Variants in ARHGEF33 observed in about 807,000 individuals in gnomAD.
ARHGEF33 encodes the protein Rho guanine nucleotide exchange factor 33, also known as DH and coiled-coil domain-containing protein ENSP00000381780.
A neutral mutation model predicts 101.9 loss-of-function variants in ARHGEF33; 72 were observed. The ratio of observed to expected loss-of-function variants is 0.71; its 90% CI spans 0.58 to 0.86. ARHGEF33 has a LOEUF of 0.86. Ranked by LOEUF, ARHGEF33 falls within the 40% of genes least tolerant of loss-of-function variation. ARHGEF33 has a pLI of 0.00. For missense variants in ARHGEF33, 1,169 were observed against 1,111.3 expected (o/e 1.05, Z -0.74); for synonymous variants, 499 against 442.5 (o/e 1.13, Z -1.60).
At position 38,943,969 on chromosome 2, in the gene ARHGEF33, A is replaced by C. The variant is rs553719330; in HGVS notation, c.859A>C (p.Ile287Leu). ...AAAATATGTCATTAACATCTCTCTG[A>C]TCTTGAAGATAAAAGCCACATTCCA... ...ERKYVINISL[I>L]LKIKATFQGS... Residue 287 changes from isoleucine to leucine, a missense_variant, in exon 10 of 18, where the codon ATC (isoleucine) becomes CTC (leucine). Ile to Leu is a conservative substitution (Grantham distance 5). Transcript: ENST00000409978. The C allele has an allele frequency of 3.2e-6, 5 of 1,551,724 alleles. No individual in the cohort carries two copies. The South Asian group carries it at 4.8e-5, about 15-fold the overall frequency.
chr2:38,929,909 A>C, intron 6 of ARHGEF33, 79 bp downstream of exon 6: 1 of 1,296,884 alleles, frequency 7.7e-7, no homozygotes, highest in Non-Finnish European at 1.1e-6. Flanking sequence ...CACATTCCCC[A>C]CTATCAGTGT....
chr2:38,967,637 G>T (rs539561275), intron 17 of ARHGEF33, among the ~76,000 whole-genome samples: 4 of 152,012 alleles, frequency 2.6e-5, no homozygotes, highest in Non-Finnish European at 5.9e-5. Context: ...GTGCAATGGC[G>T]CAATCTCGGT....
Position 38,960,029 on chromosome 2 carries a change from T to C in ARHGEF33, c.1724T>C (p.Ile575Thr). ...GCGCTGGCCGGGCCCCTGCAGGCCA[T>C]CCCGGAGATGGACTTCGAGTCCTCT... Reference protein sequence around the residue: ...VKALAGPLQAIPEMDFESSPA... With the variant: ...VKALAGPLQATPEMDFESSPA... Residue 575 changes from isoleucine (I) to threonine (T), a missense_variant, in exon 16 of 18, where the codon ATC becomes ACC. Ile to Thr is a moderately conservative substitution (Grantham distance 89). Transcript: ENST00000409978. 1 of 1,546,188 alleles carries C rather than the reference T, an allele frequency of 6.5e-7. No individual in the cohort carries two copies. Among genetic ancestry groups the C allele is most frequent in the Non-Finnish European group, 8.7e-7 (1 of 1,144,054 alleles).
chr2:38,971,853 T>G, intron 17 of ARHGEF33: 1 of 718,566 alleles, frequency 1.4e-6, no homozygotes, highest in South Asian at 1.5e-5. Flanking sequence ...ACAGGGCGAT[T>G]TTGGCATTTG....
At chr2:38,923,641 A>G (rs1666808133) in intron 4 of ARHGEF33, among the ~76,000 whole-genome samples, 2 of 152,180 alleles carry the variant, frequency 1.3e-5, no homozygotes, top group African/African-American at 4.8e-5. Flanking sequence ...TTCAATAAAT[A>G]TGAGTTGAAT....
chr2:38,910,735 C>G (rs1465424301), intron 2 of ARHGEF33, among the ~76,000 whole-genome samples: 1 of 152,174 alleles, frequency 6.6e-6, no homozygotes, highest in Non-Finnish European at 1.5e-5. Context: ...TCTCATCAGA[C>G]CTGCCAAAAC....
chr2:38,915,382 C>CT (rs35975491), intron 2 of ARHGEF33, among the ~76,000 whole-genome samples: 3,883 of 112,354 alleles, frequency 0.035, 98 homozygotes, highest in East Asian at 0.097. Context: ...TTTTTATTGA[C>CT]TTTTTTTTTT....
chr2:38,935,532 C>T (rs1234338596), intron 7 of ARHGEF33, among the ~76,000 whole-genome samples: 1 of 152,186 alleles, frequency 6.6e-6, no homozygotes, highest in Admixed American at 6.5e-5. Flanking sequence ...GAACTTCAAG[C>T]AGTTTACAAA....
intron 1 of ARHGEF33, among the ~76,000 whole-genome samples, chr2:38,892,836 A>G (rs907164272): frequency 5.9e-5 from 9 of 152,092 alleles, no homozygotes; most frequent in Non-Finnish European, 1.3e-4. Context: ...CCTTTCTAAG[A>G]GTCACTTCCC....
intron 17 of ARHGEF33, 106 bp downstream of exon 17, chr2:38,966,251 C>T: frequency 7.2e-7 from 1 of 1,392,700 alleles, no homozygotes; most frequent in Non-Finnish European, 9.6e-7. Flanking sequence ...CACACAACTG[C>T]TTCAAGTACA....
At chr2:38,961,428 A>G (rs996313565) in intron 16 of ARHGEF33, among the ~76,000 whole-genome samples, 2 of 152,180 alleles carry the variant, frequency 1.3e-5, no homozygotes, top group East Asian at 1.9e-4. Context: ...CCTGGAGGGC[A>G]TTTAAAGAGG....
chr2:38,973,057 T>G (rs3751), intron 17 of ARHGEF33: 7,371 of 152,318 alleles, frequency 0.048, 221 homozygotes, highest in Middle Eastern at 0.088. Context: ...CTGGAATGGA[T>G]TACCCAAGTG....
At position 38,937,395 on chromosome 2, in the gene ARHGEF33, T is replaced by C. The variant is rs1344218944; in HGVS notation, c.626T>C (p.Ile209Thr). The stretch of plus-strand genomic sequence containing the variant: ...CTCAAGTCTTGCCTCTCGGCTGATA[T>C]CCAGTCCAAGGGCCATCTCCCATCT... The part of the protein sequence containing the change: ...ENLKSCLSAD[I>T]QSKGHLPSGM... The change falls in exon 9 of 18, where the codon ATC becomes ACC. Residue 209 changes from isoleucine to threonine, a missense_variant. Physicochemically the swap from Ile to Thr is moderately conservative, Grantham distance 89 (BLOSUM62 -1). Coordinates refer to ENST00000409978, the MANE Select transcript of ARHGEF33 (RefSeq NM_001145451.5). The C allele has an allele frequency of 1.4e-6, 2 of 1,447,174 alleles. No homozygotes were observed. The highest frequency in any genetic ancestry group is 6.4e-5 in the East Asian group (2 of 31,346). 89.6% of individuals were successfully genotyped at this position (1,447,174 alleles called of 1,614,324 possible).
At chr2:38,972,584 G>A (rs1472168592) in intron 17 of ARHGEF33, among the ~76,000 whole-genome samples, 1 of 152,212 alleles carries the variant, frequency 6.6e-6, no homozygotes, top group East Asian at 1.9e-4. Context: ...CAGGTTTCCA[G>A]ACATTAGGGT....
chr2:38,969,078 A>G (rs1668114193), intron 17 of ARHGEF33, among the ~76,000 whole-genome samples: 1 of 152,332 alleles, frequency 6.6e-6, no homozygotes, highest in Middle Eastern at 3.4e-3. Flanking sequence ...ACACTTGTAT[A>G]GGAACCATGA....
At chr2:38,934,997 G>C (rs1162427278) in intron 7 of ARHGEF33, among the ~76,000 whole-genome samples, 1 of 149,784 alleles carries the variant, frequency 6.7e-6, no homozygotes, top group Non-Finnish European at 1.5e-5. Context: ...ATACCAAGAA[G>C]ACCAACGGGG....
intron 2 of ARHGEF33, among the ~76,000 whole-genome samples, chr2:38,902,083 C>CCAGCTTGGGTGACAGAG (rs1311803430): frequency 1.3e-4 from 20 of 151,030 alleles, no homozygotes; most frequent in Non-Finnish European, 1.0e-4. Flanking sequence ...CCACTGCACT[C>CCAGCTTGGGTGACAGAG]CAGCTTGGGT....
At chr2:38,948,919 C>A (rs1667518902) in intron 10 of ARHGEF33, among the ~76,000 whole-genome samples, 1 of 152,164 alleles carries the variant, frequency 6.6e-6, no homozygotes, top group African/African-American at 2.4e-5. Context: ...ACAGGGATTT[C>A]TTTGATCTCC....
chr2:38,902,399 T>A (rs1185226990), intron 2 of ARHGEF33, among the ~76,000 whole-genome samples: 2 of 152,180 alleles, frequency 1.3e-5, no homozygotes, highest in Admixed American at 6.5e-5. Context: ...AATCACCATA[T>A]GTATATAAGA....
Sources: gnomAD v4.1 joint callset for allele counts (sites outside exome capture counted in the v4.1 genomes callset) on GRCh38, gnomAD v4.1.1 for gene constraint, MANE v1.5 for transcripts, NCBI Gene and HGNC (gene_info 2026-07-23, HGNC 2026-07-21) for gene names.